MYO5B: variants seen among roughly 807,000 people sequenced by gnomAD.
MYO5B encodes the protein myosin VB, also known as unconventional myosin-Vb.
MYO5B carries 143 observed loss-of-function variants against 229.3 expected under a neutral mutation model. The observed-to-expected ratio is 0.62, with a 90% CI of 0.54 to 0.72. The LOEUF is 0.72. MYO5B is among the 30% of genes least tolerant of loss of function. MYO5B has a pLI of 0.00. For missense variants in MYO5B, 2,321 were observed against 2,331.0 expected (o/e 1.00, Z 0.09); for synonymous variants, 918 against 885.2 (o/e 1.04, Z -0.66).
chr18:49,983,562 A>G (rs2144298106), intron 8 of MYO5B, among the ~76,000 whole-genome samples: 1 of 152,136 alleles, frequency 6.6e-6, no homozygotes, highest in East Asian at 1.9e-4. Context: ...CCACCACCCC[A>G]TCCCGGCCCC....
intron 18 of MYO5B, among the ~76,000 whole-genome samples, chr18:49,909,309 A>G (rs917839291): frequency 2.0e-5 from 3 of 152,240 alleles, no homozygotes; most frequent in African/African-American, 7.2e-5. Flanking sequence ...TTCAGTCTCC[A>G]GGAAGGATAA....
At chr18:49,845,994 T>A (rs2024121431) in intron 33 of MYO5B, among the ~76,000 whole-genome samples, 1 of 152,082 alleles carries the variant, frequency 6.6e-6, no homozygotes, top group South Asian at 2.1e-4. Flanking sequence ...GCAGCTAGTG[T>A]GGAAGGTCTT....
intron 29 of MYO5B, among the ~76,000 whole-genome samples, chr18:49,860,931 G>A (rs770915473): frequency 6.6e-6 from 1 of 152,214 alleles, no homozygotes; most frequent in Non-Finnish European, 1.5e-5. Flanking sequence ...CCTTGTCATG[G>A]GCTCCACAGA....
chr18:50,067,777 A>G (rs1194861784), intron 1 of MYO5B, among the ~76,000 whole-genome samples: 2 of 152,180 alleles, frequency 1.3e-5, no homozygotes, highest in Middle Eastern at 3.2e-3. Flanking sequence ...TACTGGCACC[A>G]TGCTTCTTGT....
intron 23 of MYO5B, among the ~76,000 whole-genome samples, chr18:49,879,589 T>G (rs1015047916): frequency 6.6e-6 from 1 of 152,220 alleles, no homozygotes; most frequent in Non-Finnish European, 1.5e-5. Flanking sequence ...AAAAGGACAT[T>G]TGAAAACAGT....
intron 22 of MYO5B, among the ~76,000 whole-genome samples, chr18:49,883,149 C>A (rs190433164): frequency 3.9e-5 from 6 of 152,352 alleles, no homozygotes; most frequent in African/African-American, 1.4e-4. Context: ...CTTGCCACTT[C>A]TATTCAGCAT....
chr18:49,935,456 C>G (rs1462841336), intron 16 of MYO5B, among the ~76,000 whole-genome samples: 2 of 152,120 alleles, frequency 1.3e-5, no homozygotes, highest in African/African-American at 2.4e-5. Flanking sequence ...TATGGGAGAT[C>G]AGGTCTCATG....
chr18:50,061,079 C>A (rs912745343), intron 1 of MYO5B, among the ~76,000 whole-genome samples: 1 of 152,102 alleles, frequency 6.6e-6, no homozygotes, highest in Non-Finnish European at 1.5e-5. Flanking sequence ...CCCAAAGAGC[C>A]CCAGCTAAAA....
intron 4 of MYO5B, among the ~76,000 whole-genome samples, chr18:50,009,486 T>C (rs2026139153): frequency 2.0e-5 from 3 of 152,068 alleles, no homozygotes; most frequent in Admixed American, 6.5e-5. Context: ...ACTATATTAA[T>C]ATAAAAAACC....
intron 17 of MYO5B, among the ~76,000 whole-genome samples, chr18:49,927,153 G>C (rs2025137466): frequency 6.6e-6 from 1 of 152,178 alleles, no homozygotes; most frequent in African/African-American, 2.4e-5. Context: ...AAGTGGCTAA[G>C]ATGGTAACCA....
intron 1 of MYO5B, among the ~76,000 whole-genome samples, chr18:50,156,248 A>T (rs2032676680): frequency 6.6e-6 from 1 of 152,238 alleles, no homozygotes; most frequent in Non-Finnish European, 1.5e-5. Flanking sequence ...CAGAACAAGT[A>T]CAGTAAGATT....
chr18:49,862,129 C>T (rs866790933), intron 29 of MYO5B, among the ~76,000 whole-genome samples: 1 of 150,394 alleles, frequency 6.6e-6, no homozygotes. Context: ...TCCTGAGTAG[C>T]TGGGATTACA....
chr18:49,930,659 G>C (rs762708537), intron 16 of MYO5B, among the ~76,000 whole-genome samples: 5 of 152,132 alleles, frequency 3.3e-5, no homozygotes, highest in Non-Finnish European at 5.9e-5. Flanking sequence ...TTGGGAGGCC[G>C]AGGTGGGTGG....
At chr18:49,883,576 G>GAA (rs2024611596) in intron 22 of MYO5B, among the ~76,000 whole-genome samples, 1 of 150,028 alleles carries the variant, frequency 6.7e-6, no homozygotes, top group African/African-American at 2.5e-5. Flanking sequence ...CAGATTCAAT[G>GAA]TAATCATTAT....
chr18:49,872,327 G>A, intron 26 of MYO5B, 95 bp from the exon 27 acceptor site: 1 of 1,222,062 alleles, frequency 8.2e-7, no homozygotes, highest in Non-Finnish European at 1.2e-6. Flanking sequence ...CATCCTGCCT[G>A]TGCGTGAATA....
At chr18:50,186,854 G>A (rs1241291546) in intron 1 of MYO5B, among the ~76,000 whole-genome samples, 2 of 152,068 alleles carry the variant, frequency 1.3e-5, no homozygotes, top group African/African-American at 2.4e-5. Flanking sequence ...TATCCAGGGT[G>A]TCCACCTCAA....
intron 28 of MYO5B, 46 bp downstream of exon 28, chr18:49,864,095 T>C (rs1196166358): frequency 1.3e-6 from 2 of 1,599,320 alleles, no homozygotes; most frequent in East Asian, 2.2e-5. Context: ...ATCTACCACC[T>C]AGGGTCACCC....
chr18:49,869,814 T>TG, intron 27 of MYO5B, among the ~76,000 whole-genome samples: 1 of 152,120 alleles, frequency 6.6e-6, no homozygotes, highest in East Asian at 1.9e-4. Context: ...TCAGCAGGTC[T>TG]CGGGGGTGGG....
intron 30 of MYO5B, among the ~76,000 whole-genome samples, chr18:49,855,773 G>A (rs1198687687): frequency 1.3e-5 from 2 of 152,194 alleles, no homozygotes; most frequent in East Asian, 1.9e-4. Context: ...TCAATCAGCT[G>A]AGTAAACTTT....
Sources: allele counts gnomAD v4.1 joint callset (sites outside exome capture counted in the v4.1 genomes callset), GRCh38; gene constraint gnomAD v4.1.1; transcripts MANE v1.5; gene names NCBI Gene and HGNC (gene_info 2026-07-23, HGNC 2026-07-21).